The following SND1 variants were observed in gnomAD, a reference collection of about 807,000 sequenced individuals.
SND1 encodes staphylococcal nuclease and tudor domain containing 1, also known as staphylococcal nuclease domain-containing protein 1.
A neutral mutation model predicts 121.7 loss-of-function variants in SND1; 38 were observed. That is an observed-to-expected ratio of 0.31 (90% CI 0.24 to 0.41). SND1 has a LOEUF of 0.41. Ranked by LOEUF, SND1 falls within the 10% of genes least tolerant of loss-of-function variation. The pLI is 1.00. For missense variants in SND1, 868 were observed against 1,184.6 expected (o/e 0.73, Z 3.92); for synonymous variants, 401 against 447.4 (o/e 0.90, Z 1.31).
intron 3 of SND1, among the ~76,000 whole-genome samples, chr7:127,698,308 A>G (rs934154827): frequency 1.3e-5 from 2 of 152,084 alleles, no homozygotes; most frequent in Non-Finnish European, 1.5e-5. Context: ...CCCTAAATGA[A>G]TCCGTCTCTC....
In SND1 at chr7:127,693,534, CAT is replaced by C. The variant is rs1482070825; in HGVS notation, c.229-1291_229-1290del. Among the ~76,000 whole-genome samples the C allele has an allele frequency of 8.5e-5, 13 of 152,236 alleles. No homozygotes were observed. In the East Asian group the frequency reaches 2.5e-3, roughly 29 times the overall value. On this transcript the variant is annotated intron_variant, in intron 2 of 23. Transcript: ENST00000354725. The stretch of plus-strand genomic sequence containing the variant: ...GATTGGTTTCTGGTTTCTTAGAAGT[CAT>C]ATGGATATTTTTCTTCTAGAAAAGC...
intron 9 of SND1, among the ~76,000 whole-genome samples, chr7:127,715,512 C>G (rs1357433110): frequency 1.3e-5 from 2 of 152,062 alleles, no homozygotes; most frequent in African/African-American, 4.8e-5. Context: ...GTCTATTGTT[C>G]CTGTCTTTAG....
At chr7:127,910,595 G>A (rs1362839961) in intron 14 of SND1, among the ~76,000 whole-genome samples, 6 of 152,112 alleles carry the variant, frequency 3.9e-5, no homozygotes, top group African/African-American at 1.4e-4. Flanking sequence ...ACCTAGTTTA[G>A]ATTTATTTTT....
chr7:127,798,343 T>C (rs145083656), intron 10 of SND1, among the ~76,000 whole-genome samples: 13 of 152,320 alleles, frequency 8.5e-5, no homozygotes, highest in Non-Finnish European at 1.9e-4. Context: ...CTGGATGGCT[T>C]TGGGGGCTTG....
chr7:127,691,382 A>G (rs942460374), intron 2 of SND1, among the ~76,000 whole-genome samples: 10 of 151,690 alleles, frequency 6.6e-5, no homozygotes, highest in Non-Finnish European at 1.3e-4. Flanking sequence ...CTCTACTAAA[A>G]ATACAAAAAA....
intron 11 of SND1, among the ~76,000 whole-genome samples, chr7:127,823,800 G>T: frequency 6.6e-6 from 1 of 151,860 alleles, no homozygotes; most frequent in South Asian, 2.1e-4. Flanking sequence ...AGACTTAATT[G>T]AGGAGGTATT....
At chr7:127,937,393 T>C (rs1278006103) in intron 15 of SND1, among the ~76,000 whole-genome samples, 4 of 152,156 alleles carry the variant, frequency 2.6e-5, no homozygotes, top group Non-Finnish European at 5.9e-5. Context: ...TCCCTTTTCC[T>C]GCCCTTTAGC....
At chr7:127,676,290 A>T (rs560343843) in intron 1 of SND1, among the ~76,000 whole-genome samples, 1 of 152,290 alleles carries the variant, frequency 6.6e-6, no homozygotes, top group East Asian at 1.9e-4. Flanking sequence ...GGGAAGAGAG[A>T]TTAATGTTCC....
At chr7:127,696,744 T>G (rs1796012310) in intron 3 of SND1, among the ~76,000 whole-genome samples, 1 of 152,256 alleles carries the variant, frequency 6.6e-6, no homozygotes, top group Non-Finnish European at 1.5e-5. Flanking sequence ...TATTTTAAAT[T>G]ATCTGTAGAG....
intron 12 of SND1, among the ~76,000 whole-genome samples, chr7:127,880,573 T>C (rs929855165): frequency 3.9e-5 from 6 of 152,166 alleles, no homozygotes; most frequent in African/African-American, 1.4e-4. Flanking sequence ...ATATTCGGCT[T>C]TTCTGATCTC....
chr7:127,707,664 A>C lies in SND1; in HGVS notation c.1038+17A>C. The C allele has an allele frequency of 6.3e-7, 1 of 1,592,472 alleles. No homozygotes were observed. Among genetic ancestry groups the C allele is most frequent in the Non-Finnish European group, 8.6e-7 (1 of 1,160,400 alleles). On this transcript the variant is annotated intron_variant, in intron 9 of 23. Coordinates refer to ENST00000354725, the MANE Select transcript of SND1 (RefSeq NM_014390.4). ...GTTGCCAAGGTGAGTCATTCTCAGC[A>C]TCTTGATATGCATAGTGGACATTGC...
chr7:127,899,735 T>C (rs918731644), intron 13 of SND1, among the ~76,000 whole-genome samples: 1 of 152,144 alleles, frequency 6.6e-6, no homozygotes, highest in Non-Finnish European at 1.5e-5. Context: ...TCAAAGTGTG[T>C]GTAGCTTCAA....
intron 12 of SND1, chr7:127,858,255 C>T (rs1244973040): frequency 1.0e-5 from 8 of 770,854 alleles, no homozygotes; most frequent in South Asian, 6.0e-5. Context: ...ACCATCTGGT[C>T]GGCCAATTCG....
At chr7:127,984,664 A>C (rs938401030) in intron 15 of SND1, among the ~76,000 whole-genome samples, 1 of 152,258 alleles carries the variant, frequency 6.6e-6, no homozygotes, top group Non-Finnish European at 1.5e-5. Context: ...AATATGACAC[A>C]GTGCCTGCCC....
At chr7:127,686,126 G>A (rs568751798) in intron 1 of SND1, 57 of 153,070 alleles carry the variant, frequency 3.7e-4, no homozygotes, top group Admixed American at 2.6e-4. Context: ...TTGACCTCAG[G>A]TGATCCACCC....
intron 15 of SND1, among the ~76,000 whole-genome samples, chr7:127,978,397 C>T (rs1802177823): frequency 6.6e-6 from 1 of 152,118 alleles, no homozygotes; most frequent in African/African-American, 2.4e-5. Flanking sequence ...GCAGATTGGT[C>T]AGGAAGTGGA....
intron 10 of SND1, among the ~76,000 whole-genome samples, chr7:127,721,695 T>C (rs573443693): frequency 6.6e-6 from 1 of 152,272 alleles, no homozygotes; most frequent in South Asian, 2.1e-4. Context: ...TGGATGAGTT[T>C]AATTAACAAG....
chr7:127,913,873 CAT>C (rs1269677631), intron 14 of SND1, among the ~76,000 whole-genome samples: 1 of 152,200 alleles, frequency 6.6e-6, no homozygotes, highest in Admixed American at 6.5e-5. Context: ...ATTTCACTAA[CAT>C]AGACATTCTG....
At chr7:127,847,812 A>G (rs1021278807) in intron 12 of SND1, among the ~76,000 whole-genome samples, 6 of 152,244 alleles carry the variant, frequency 3.9e-5, no homozygotes, top group East Asian at 1.9e-4. Context: ...TGTGAGGTCA[A>G]CTGGCAAGGA....
Sources: allele counts gnomAD v4.1 joint callset (sites outside exome capture counted in the v4.1 genomes callset), GRCh38; gene constraint gnomAD v4.1.1; transcripts MANE v1.5; gene names NCBI Gene and HGNC (gene_info 2026-07-23, HGNC 2026-07-21).